TDRD3: variants seen among roughly 807,000 people sequenced by gnomAD.
TDRD3 encodes tudor domain-containing protein 3.
In TDRD3, 45 loss-of-function variants were observed where a neutral mutation model predicts 86.7. The observed-to-expected ratio is 0.52, with a 90% CI of 0.41 to 0.67. The LOEUF (loss-of-function observed/expected upper bound fraction) is 0.67, where lower values mean the gene tolerates loss of function less well. TDRD3 is among the 30% of genes least tolerant of loss of function. The probability of loss-of-function intolerance (pLI) is 0.00; values close to 1 mark genes in which losing one functional copy is unlikely to be tolerated. For synonymous variants in TDRD3, 298 were observed against 301.7 expected (o/e 0.99, Z 0.13); for missense variants, 814 against 889.0 (o/e 0.92, Z 1.07).
Position 60,510,758 on chromosome 13 carries a change from A to G in TDRD3, c.1141+3A>G. 1 of 1,536,818 alleles carries G rather than the reference A, an allele frequency of 6.5e-7. No homozygotes were observed. On this transcript the variant is annotated splice_donor_region_variant and intron_variant, in intron 10 of 13. Transcript: ENST00000377881. ...AATGGGAACTTTGAATGTGGAAGGT[A>G]AGCTAATTTAAAGTTGATTCCTTTT...
intron 8 of TDRD3, among the ~76,000 whole-genome samples, chr13:60,496,163 T>G (rs997380265): frequency 2.0e-5 from 3 of 151,274 alleles, no homozygotes; most frequent in Non-Finnish European, 4.4e-5. Flanking sequence ...CTGTGCTGGA[T>G]GCTTCCTAAC....
intron 3 of TDRD3, among the ~76,000 whole-genome samples, chr13:60,449,790 T>TTAAAA (rs1318654880): frequency 6.6e-6 from 1 of 152,094 alleles, no homozygotes; most frequent in African/African-American, 2.4e-5. Flanking sequence ...GTTTTAATTT[T>TTAAAA]ATTATTTACT....
At chr13:60,415,678 G>C (rs550446735) in intron 1 of TDRD3, among the ~76,000 whole-genome samples, 2 of 152,074 alleles carry the variant, frequency 1.3e-5, no homozygotes, top group Non-Finnish European at 2.9e-5. Flanking sequence ...AAATAAAATT[G>C]CTTTCTTTTC....
At position 60,524,637 on chromosome 13, in the gene TDRD3, A is replaced by G. The variant is rs191412466; in HGVS notation, c.1142-3730A>G. Among the ~76,000 whole-genome samples the G allele has an allele frequency of 3.4e-3, 515 of 152,298 alleles. 2 individuals carry two copies. The highest frequency in any genetic ancestry group is 6.8e-3 in the Middle Eastern group (2 of 294). ...CTCAGTTTCAAAATACTTACTTTAT[A>G]TATGACTTTATGATTTAACTAACCT... On this transcript the variant is annotated intron_variant, in intron 10 of 13. Transcript: ENST00000377881.
upstream of TDRD3, among the ~76,000 whole-genome samples, chr13:60,395,926 A>G (rs902636527): frequency 4.6e-5 from 7 of 152,246 alleles, no homozygotes; most frequent in African/African-American, 1.7e-4. Context: ...TATACTTGGG[A>G]GCAAATCTCA....
chr13:60,432,251 T>G (rs757119602), intron 1 of TDRD3, among the ~76,000 whole-genome samples: 1 of 152,108 alleles, frequency 6.6e-6, no homozygotes, highest in Non-Finnish European at 1.5e-5. Flanking sequence ...TAACTGCTGG[T>G]GTTCCATTTT....
upstream of TDRD3, among the ~76,000 whole-genome samples, chr13:60,395,634 A>G (rs1032125719): frequency 2.0e-5 from 3 of 152,232 alleles, no homozygotes; most frequent in Admixed American, 6.5e-5. Context: ...AATTCTGATG[A>G]TTGGTACAAC....
At chr13:60,562,187 C>A (rs757563015) in intron 12 of TDRD3, among the ~76,000 whole-genome samples, 1 of 151,976 alleles carries the variant, frequency 6.6e-6, no homozygotes, top group Non-Finnish European at 1.5e-5. Flanking sequence ...GTGGTGCGTG[C>A]CTGTAATTCC....
chr13:60,402,469 T>G (rs1050099004), intron 1 of TDRD3, among the ~76,000 whole-genome samples: 36 of 152,170 alleles, frequency 2.4e-4, no homozygotes, highest in African/African-American at 8.7e-4. Context: ...GGTAAATATT[T>G]GTAGAGAATA....
At chr13:60,561,864 T>G (rs548863019) in intron 12 of TDRD3, among the ~76,000 whole-genome samples, 22 of 82,732 alleles carry the variant, frequency 2.7e-4, no homozygotes, top group South Asian at 4.4e-4. Context: ...CCCAGGTTTT[T>G]TGTTGTTGTT....
chr13:60,541,149 C>A (rs1194551304), intron 12 of TDRD3, among the ~76,000 whole-genome samples: 1 of 49,404 alleles, frequency 2.0e-5, no homozygotes, highest in Non-Finnish European at 5.0e-5. Flanking sequence ...TTTTTCTATT[C>A]TTTCTTTCTT....
intron 1 of TDRD3, among the ~76,000 whole-genome samples, chr13:60,431,936 A>G (rs1954964454): frequency 6.6e-6 from 1 of 152,026 alleles, no homozygotes; most frequent in Admixed American, 6.6e-5. Context: ...TATATAAGCC[A>G]CAGAGAAAAT....
In TDRD3 at chr13:60,397,332, AG is replaced by A; in HGVS notation, c.-32del. On this transcript the variant is annotated 5_prime_UTR_variant, in exon 1 of 14. The change abolishes the stop of an existing upstream ORF in the 5' untranslated region. Coordinates refer to ENST00000377881, the MANE Select transcript of TDRD3 (RefSeq NM_001146070.2). ...GAGGCCTCCCCATCACCCCCACCCC[AG>A]CCCCCCACCACCCCCGGCCTAAGCA... 2 of 771,364 alleles carry A rather than the reference AG, an allele frequency of 2.6e-6. No homozygotes were observed. 47.8% of individuals were successfully genotyped at this position (771,364 alleles called of 1,614,324 possible).
intron 3 of TDRD3, among the ~76,000 whole-genome samples, chr13:60,445,207 A>G (rs1955371910): frequency 6.6e-6 from 1 of 152,208 alleles, no homozygotes; most frequent in African/African-American, 2.4e-5. Flanking sequence ...TTTGCAGTAC[A>G]CACATATGTA....
At chr13:60,410,605 A>G (rs1256475981) in intron 1 of TDRD3, among the ~76,000 whole-genome samples, 4 of 152,148 alleles carry the variant, frequency 2.6e-5, no homozygotes, top group Non-Finnish European at 4.4e-5. Context: ...TCTTTTCTCT[A>G]GGCTGCCTGC....
At chr13:60,534,170 A>T (rs1957646975) in intron 11 of TDRD3, among the ~76,000 whole-genome samples, 1 of 152,094 alleles carries the variant, frequency 6.6e-6, no homozygotes, top group South Asian at 2.1e-4. Context: ...AAAATTAGCC[A>T]GGCATGGTTG....
chr13:60,507,419 T>C (rs548897667), intron 8 of TDRD3, among the ~76,000 whole-genome samples: 2 of 152,066 alleles, frequency 1.3e-5, no homozygotes, highest in African/African-American at 4.8e-5. Context: ...TGTCATACTT[T>C]AAAATTGACC....
chr13:60,482,618 CTT>C (rs1720496815), intron 5 of TDRD3, among the ~76,000 whole-genome samples: 1 of 152,070 alleles, frequency 6.6e-6, no homozygotes, highest in Non-Finnish European at 1.5e-5. Context: ...GAAAGGGCCT[CTT>C]GATAATTTTA....
At chr13:60,547,914 A>G (rs1957970439) in intron 12 of TDRD3, among the ~76,000 whole-genome samples, 1 of 152,166 alleles carries the variant, frequency 6.6e-6, no homozygotes, top group South Asian at 2.1e-4. Flanking sequence ...AGAATCTCTA[A>G]TGCATGAAAA....
Sources: gnomAD v4.1 joint callset for allele counts (sites outside exome capture counted in the v4.1 genomes callset) on GRCh38, gnomAD v4.1.1 for gene constraint, MANE v1.5 for transcripts, NCBI Gene and HGNC (gene_info 2026-07-23, HGNC 2026-07-21) for gene names.